Variants in CNTNAP2 observed in about 807,000 individuals in gnomAD.
The protein encoded by CNTNAP2 is contactin associated protein 2.
CNTNAP2 carries 98 observed loss-of-function variants against 155.2 expected under a neutral mutation model. That is an observed-to-expected ratio of 0.63 (90% CI 0.54 to 0.75). The LOEUF (loss-of-function observed/expected upper bound fraction) is 0.75. Ranked by LOEUF, CNTNAP2 falls within the 30% of genes least tolerant of loss-of-function variation. The pLI, the probability that CNTNAP2 is intolerant of heterozygous loss-of-function variation, is 0.00. For synonymous variants in CNTNAP2, 651 were observed against 631.2 expected, an observed-to-expected ratio of 1.03 and a Z score of -0.47; for missense variants, 1,727 against 1,688.1, an observed-to-expected ratio of 1.02 and a Z score of -0.40.
intron 9 of CNTNAP2, among the ~76,000 whole-genome samples, chr7:147,390,166 G>A (rs1584919158): frequency 6.6e-6 from 1 of 152,160 alleles, no homozygotes; most frequent in African/African-American, 2.4e-5. Flanking sequence ...CAGTATCAGA[G>A]ATCCAACATC....
At chr7:147,276,610 T>C (rs1167341100) in intron 8 of CNTNAP2, among the ~76,000 whole-genome samples, 3 of 152,050 alleles carry the variant, frequency 2.0e-5, no homozygotes, top group Admixed American at 6.6e-5. Context: ...AGACACAATT[T>C]CTTTCTGTAT....
chr7:147,497,812 C>A (rs897591136), intron 11 of CNTNAP2, among the ~76,000 whole-genome samples: 2 of 152,140 alleles, frequency 1.3e-5, no homozygotes, highest in African/African-American at 4.8e-5. Context: ...ACTGATTGTC[C>A]TACAGGTTCC....
chr7:147,343,236 C>T (rs1279065698), intron 9 of CNTNAP2, among the ~76,000 whole-genome samples: 2 of 151,978 alleles, frequency 1.3e-5, no homozygotes, highest in African/African-American at 4.8e-5. Context: ...TACAGGTTAC[C>T]GTGTTTTTTT....
chr7:148,078,128 A>G (rs1803530326), intron 15 of CNTNAP2, among the ~76,000 whole-genome samples: 1 of 151,902 alleles, frequency 6.6e-6, no homozygotes, highest in East Asian at 1.9e-4. Flanking sequence ...CAGTGGTGTG[A>G]TCTCAGCTCA....
chr7:147,655,479 A>G (rs1795512364), intron 13 of CNTNAP2, among the ~76,000 whole-genome samples: 1 of 152,260 alleles, frequency 6.6e-6, no homozygotes, highest in Non-Finnish European at 1.5e-5. Flanking sequence ...CATGGGCAAT[A>G]GAATTCATGT....
intron 3 of CNTNAP2, among the ~76,000 whole-genome samples, chr7:146,924,979 G>GC (rs1796576806): frequency 6.6e-6 from 1 of 152,050 alleles, no homozygotes; most frequent in Admixed American, 6.6e-5. Context: ...TGATTAATAT[G>GC]CCATATTCTT....
At chr7:148,065,151 A>AT (rs1803230208) in intron 15 of CNTNAP2, among the ~76,000 whole-genome samples, 1 of 152,158 alleles carries the variant, frequency 6.6e-6, no homozygotes, top group Non-Finnish European at 1.5e-5. Flanking sequence ...GTAGTCTGAG[A>AT]AAGTACTTGA....
intron 11 of CNTNAP2, among the ~76,000 whole-genome samples, chr7:147,557,800 G>A (rs908797163): frequency 9.2e-5 from 14 of 152,052 alleles, no homozygotes; most frequent in Admixed American, 5.2e-4. Context: ...TTACTATTAG[G>A]TTGCTACAAA....
chr7:148,022,123 T>C (rs1333054326), intron 15 of CNTNAP2, among the ~76,000 whole-genome samples: 1 of 151,948 alleles, frequency 6.6e-6, no homozygotes, highest in African/African-American at 2.4e-5. Context: ...ATCCAAGTAT[T>C]ATATGTAAAC....
Position 147,868,115 on chromosome 7 carries a change from C to T in CNTNAP2, c.2099-35450C>T, listed in dbSNP as rs1219403315. 3.3e-5 allele frequency among the ~76,000 whole-genome samples: 5 copies of T among 152,188 alleles called. No individual in the cohort carries two copies. In the East Asian group the frequency reaches 9.7e-4, roughly 30 times the overall value. ...CTACCTTTGGTCTATGTGATGGTGA[C>T]CTACAGATGGGGTTTTGGTGTGGAT... On this transcript the variant is annotated intron_variant, in intron 13 of 23. Transcript: ENST00000361727.
In CNTNAP2 at chr7:147,081,343, T is replaced by G. The variant is rs1193592998; in HGVS notation, c.551-26804T>G. 7.9e-5 allele frequency: 12 copies of G among 152,272 alleles called. No individual in the cohort carries two copies. The East Asian group carries it at 2.3e-3, about 29-fold the overall frequency. 9.4% of individuals were successfully genotyped at this position (152,272 alleles called of 1,614,324 possible). A position where few individuals can be genotyped will look rare whatever the true frequency, so the allele number is the denominator to read the frequency against. The stretch of plus-strand genomic sequence containing the variant: ...TCACTATAGGACCTGCCAGCTTGTA[T>G]TTTTGTCTCTTGAGTCTACGCCAAA... On this transcript the variant is annotated intron_variant, in intron 4 of 23. Transcript: ENST00000361727.
chr7:146,912,504 G>T (rs990735149), intron 3 of CNTNAP2, among the ~76,000 whole-genome samples: 1 of 152,020 alleles, frequency 6.6e-6, no homozygotes, highest in Non-Finnish European at 1.5e-5. Flanking sequence ...GGGCCTCAGG[G>T]TAACAATGTT....
intron 1 of CNTNAP2, among the ~76,000 whole-genome samples, chr7:146,439,981 G>A (rs1796298007): frequency 6.6e-6 from 1 of 151,332 alleles, no homozygotes. Flanking sequence ...AAAATTAATC[G>A]AGTGTGGTGG....
chr7:146,582,009 A>T (rs1327923997), intron 1 of CNTNAP2, among the ~76,000 whole-genome samples: 1 of 152,186 alleles, frequency 6.6e-6, no homozygotes, highest in East Asian at 1.9e-4. Context: ...GCAACAGTGA[A>T]GAACAAAAGA....
chr7:147,680,871 T>G (rs1168419734), intron 13 of CNTNAP2, among the ~76,000 whole-genome samples: 1 of 151,772 alleles, frequency 6.6e-6, no homozygotes, highest in Non-Finnish European at 1.5e-5. Flanking sequence ...ATTAGTCATA[T>G]TAGACATATT....
At chr7:146,314,415 C>A (rs1800876132) in intron 1 of CNTNAP2, among the ~76,000 whole-genome samples, 1 of 152,066 alleles carries the variant, frequency 6.6e-6, no homozygotes, top group Non-Finnish European at 1.5e-5. Flanking sequence ...GATGCGTGTT[C>A]CAGTTCTTTC....
intron 13 of CNTNAP2, among the ~76,000 whole-genome samples, chr7:147,726,634 T>C (rs1406803076): frequency 6.6e-6 from 1 of 151,884 alleles, no homozygotes; most frequent in Non-Finnish European, 1.5e-5. Context: ...GTCACAATGC[T>C]CCTATAAATC....
chr7:148,154,617 C>T (rs949080663), intron 17 of CNTNAP2, among the ~76,000 whole-genome samples: 1 of 152,144 alleles, frequency 6.6e-6, no homozygotes, highest in Admixed American at 6.5e-5. Flanking sequence ...GGCTGTTTCT[C>T]ATATCTAAGA....
rs1799692525 is a variant in CNTNAP2, at chr7:148,405,861, G to C, written c.3716-3530G>C. 3.3e-5 allele frequency among the ~76,000 whole-genome samples: 5 copies of C among 151,382 alleles called. No homozygotes were observed. In the South Asian group the frequency reaches 1.0e-3, roughly 32 times the overall value. On this transcript the variant is annotated intron_variant, in intron 22 of 23. Coordinates refer to ENST00000361727, the MANE Select transcript of CNTNAP2 (RefSeq NM_014141.6). ...GATCTCTTGACCTCATGATCCACTT[G>C]CCTTGGACTCACCGTGCCTGGCCTA...
Sources: gnomAD v4.1 joint callset for allele counts (sites outside exome capture counted in the v4.1 genomes callset) on GRCh38, gnomAD v4.1.1 for gene constraint, MANE v1.5 for transcripts, NCBI Gene and HGNC (gene_info 2026-07-23, HGNC 2026-07-21) for gene names.